ZNF587: variants seen among roughly 807,000 people sequenced by gnomAD.
ZNF587 encodes the protein zinc finger protein zfp6.
In ZNF587, 8 loss-of-function variants were observed where a neutral mutation model predicts 7.5. The ratio of observed to expected loss-of-function variants is 1.06; its 90% CI spans 0.62 to 1.92. The LOEUF (loss-of-function observed/expected upper bound fraction) is 1.92. ZNF587 is among the 40% of genes most tolerant of loss of function. The pLI, the probability that ZNF587 is intolerant of heterozygous loss-of-function variation, is 0.00. For missense variants in ZNF587, 468 were observed against 692.8 expected, an observed-to-expected ratio of 0.68 and a Z score of 3.64; for synonymous variants, 145 against 237.8, an observed-to-expected ratio of 0.61 and a Z score of 3.59.
chr19:57,864,975 T>C lies in ZNF587; in HGVS notation c.*4835T>C, dbSNP rs2071490066. ...TTTTCTCCATAAACTACAGTTTATA[T>C]AAGCAAAAGTTTCAGTACTAAGCAA... On this transcript the variant is annotated 3_prime_UTR_variant, in exon 3 of 3. Transcript: ENST00000339656. The C allele has an allele frequency of 6.6e-6, 1 of 152,242 alleles. No homozygotes were observed. The highest frequency in any genetic ancestry group is 6.5e-5 in the Admixed American group (1 of 15,280). The allele number at this position is 152,242 out of a possible 1,614,324, so 9.4% of individuals were successfully genotyped here. A position where few individuals can be genotyped will look rare whatever the true frequency, so the allele number is the denominator to read the frequency against.
At chr19:57,856,825 G>C (rs1484350645) in intron 2 of ZNF587, among the ~76,000 whole-genome samples, 1 of 152,034 alleles carries the variant, frequency 6.6e-6, no homozygotes, top group Non-Finnish European at 1.5e-5. Context: ...GCCTCTGGCT[G>C]TCAGGTGACT....
intron 1 of ZNF587, among the ~76,000 whole-genome samples, chr19:57,853,356 T>C (rs2071307395): frequency 1.3e-5 from 2 of 152,192 alleles, no homozygotes; most frequent in Admixed American, 6.5e-5. Context: ...TGGCATCAAA[T>C]CGATAACTAG....
intron 1 of ZNF587, 44 bp from the exon 2 acceptor site, chr19:57,856,060 C>T (rs762405169): frequency 6.2e-7 from 1 of 1,610,018 alleles, no homozygotes; most frequent in Non-Finnish European, 8.5e-7. Flanking sequence ...GTTGTGGTAC[C>T]TCAGCAGAGG....
intron 1 of ZNF587, chr19:57,850,952 T>TTCA (rs1231246358): frequency 6.2e-6 from 1 of 162,454 alleles, no homozygotes; most frequent in Admixed American, 6.4e-5. Flanking sequence ...GGCTGCGGGT[T>TTCA]TCAGGAGGAG....
At chr19:57,857,935 C>T (rs1206194812) in intron 2 of ZNF587, among the ~76,000 whole-genome samples, 1 of 151,560 alleles carries the variant, frequency 6.6e-6, no homozygotes, top group Non-Finnish European at 1.5e-5. Flanking sequence ...CGTGCCCGGC[C>T]CATATTCTTC....
intron 1 of ZNF587, among the ~76,000 whole-genome samples, chr19:57,854,727 T>G (rs571386792): frequency 6.6e-6 from 1 of 151,978 alleles, no homozygotes; most frequent in Non-Finnish European, 1.5e-5. Flanking sequence ...CGTTATACCC[T>G]CTTCATCTTG....
At chr19:57,850,547 C>T (rs995243781) in intron 1 of ZNF587, 14 of 433,110 alleles carry the variant, frequency 3.2e-5, no homozygotes, top group Non-Finnish European at 2.4e-5. Context: ...TCCGCTGATC[C>T]ATCCAGTGCA....
At position 57,850,078 on chromosome 19, in the gene ZNF587, G is replaced by C. The variant is rs760331754; in HGVS notation, c.33+7G>C. ...GCCGAGGCGCCCAACTCAGGTAATT[G>C]TGGTGCCTTCTGTGCCCTCAGGTCA... is the stretch of plus-strand genomic sequence containing the variant. On this transcript the variant is annotated splice_region_variant and intron_variant, in intron 1 of 2. Transcript: ENST00000339656. The C allele has an allele frequency of 1.4e-5, 23 of 1,614,126 alleles. No individual in the cohort carries two copies. The South Asian group carries it at 2.5e-4, about 18-fold the overall frequency.
intron 1 of ZNF587, chr19:57,851,344 T>C (rs904454646): frequency 4.6e-5 from 7 of 152,220 alleles, no homozygotes; most frequent in Non-Finnish European, 8.8e-5. Flanking sequence ...AGGGCTATTA[T>C]CAATTTTGTT....
intron 2 of ZNF587, 57 bp downstream of exon 2, chr19:57,856,290 T>A (rs2071354860): frequency 2.0e-6 from 3 of 1,531,916 alleles, no homozygotes; most frequent in Non-Finnish European, 2.6e-6. Context: ...TCCCCTGTTT[T>A]TCATTGACAG....
intron 1 of ZNF587, chr19:57,850,697 GCCAGAGCATTGGAGGCTTCCTGGCGGC>G (rs1214862378): frequency 7.6e-6 from 3 of 397,122 alleles, no homozygotes; most frequent in Non-Finnish European, 1.3e-5. Context: ...GGTCCAGGTG[GCCAGAGCATTGGAGGCTTCCTGGCGGC>G]CCAGAGCTCT....
intron 1 of ZNF587, chr19:57,852,201 G>A: frequency 2.7e-6 from 1 of 367,688 alleles, no homozygotes; most frequent in Non-Finnish European, 4.6e-6. Flanking sequence ...AGGATACCAA[G>A]TCCATGACAG....
At chr19:57,855,780 C>G (rs957285117) in intron 1 of ZNF587, among the ~76,000 whole-genome samples, 3 of 152,152 alleles carry the variant, frequency 2.0e-5, no homozygotes, top group African/African-American at 4.8e-5. Flanking sequence ...CCAGCATAGT[C>G]TCTATCCCCT....
intron 1 of ZNF587, 96 bp downstream of exon 1, chr19:57,850,167 G>C: frequency 6.2e-7 from 1 of 1,609,676 alleles, no homozygotes; most frequent in Non-Finnish European, 8.5e-7. Flanking sequence ...TCTGTAGCCG[G>C]TACCCGGCGT....
In ZNF587 at chr19:57,858,657, C is replaced by G. The variant is rs781633280; in HGVS notation, c.245C>G (p.Pro82Arg). The G allele has an allele frequency of 2.6e-6, 4 of 1,566,552 alleles. No individual in the cohort carries two copies. The highest frequency in any genetic ancestry group is 3.5e-6 in the Non-Finnish European group (4 of 1,158,144). ...CAAAGAGAGTCTCAGAGCAGGACTCCTAGGGCAGGTGTTTCTCCTAAGAAG... is the reference window on the plus strand; with the variant it reads ...CAAAGAGAGTCTCAGAGCAGGACTCGTAGGGCAGGTGTTTCTCCTAAGAAG... ...SVQRESQSRTPRAGVSPKKAH... is the reference protein window; with the variant it reads ...SVQRESQSRTRRAGVSPKKAH... The change falls in exon 3 of 3, where the codon CCT (proline) becomes CGT (arginine). Residue 82 changes from proline (P) to arginine (R), a missense_variant. Physicochemically the swap from Pro to Arg is moderately radical, Grantham distance 103. Coordinates refer to ENST00000339656, the MANE Select transcript of ZNF587 (RefSeq NM_032828.4).
Position 57,864,800 on chromosome 19 carries a change from A to G in ZNF587, c.*4660A>G, listed in dbSNP as rs567870265. 85 of 151,908 alleles carry G rather than the reference A, an allele frequency of 5.6e-4. No homozygotes were observed. Among genetic ancestry groups the G allele is most frequent in the African/African-American group, 1.9e-3 (80 of 41,294 alleles). 9.4% of individuals were successfully genotyped at this position (151,908 alleles called of 1,614,324 possible). On this transcript the variant is annotated 3_prime_UTR_variant, in exon 3 of 3. Coordinates refer to ENST00000339656, the MANE Select transcript of ZNF587 (RefSeq NM_032828.4). ...GTGTAAATTTTTTTTTATTACACCA[A>G]ATTATGTTCACACAAAACCTTTGTA...
At chr19:57,858,426 C>T in intron 2 of ZNF587, 150 bp from the exon 3 acceptor site, 2 of 1,451,122 alleles carry the variant, frequency 1.4e-6, no homozygotes, top group East Asian at 2.4e-5. Flanking sequence ...CATGCCCAGC[C>T]AGCAGCCCCA....
chr19:57,860,083 T>C lies in ZNF587; in HGVS notation c.1671T>C (p.Phe557=), dbSNP rs777184993. 23 of 1,613,240 alleles carry C rather than the reference T, an allele frequency of 1.4e-5. No individual in the cohort carries two copies. Among genetic ancestry groups the C allele is most frequent in the Non-Finnish European group, 1.7e-5 (20 of 1,179,434 alleles). ...PYECTKCGKT[F]QRSSTLLHHQ... is the part of the protein sequence containing the mutation. The stretch of plus-strand genomic sequence containing the variant: ...AATGCACCAAATGTGGAAAAACATT[T>C]CAGCGAAGCTCTACCCTCCTTCATC... Residue 557 remains phenylalanine (F), a synonymous_variant, in exon 3 of 3, where the codon TTT becomes TTC. Transcript: ENST00000339656.
rs1249048531 is a variant in ZNF587, at chr19:57,862,648, G to GT, written c.*2508_*2509insT. On this transcript the variant is annotated 3_prime_UTR_variant, in exon 3 of 3. Transcript: ENST00000339656. ...CACTTGCATGAATGTCGACACTGCA[G>GT]CCACAGTTTTGGCCGTAAATGTGAA... 3 of 154,910 alleles carry GT rather than the reference G, an allele frequency of 1.9e-5. No individual in the cohort carries two copies. The highest frequency in any genetic ancestry group is 4.4e-5 in the Non-Finnish European group (3 of 68,264). 9.6% of individuals were successfully genotyped at this position (154,910 alleles called of 1,614,324 possible). A position where few individuals can be genotyped will look rare whatever the true frequency, so the allele number is the denominator to read the frequency against.
Sources: allele counts gnomAD v4.1 joint callset (sites outside exome capture counted in the v4.1 genomes callset), GRCh38; gene constraint gnomAD v4.1.1; transcripts MANE v1.5; gene names NCBI Gene and HGNC (gene_info 2026-07-23, HGNC 2026-07-21).